DLEU7: variants seen among roughly 807,000 people sequenced by gnomAD.
DLEU7 encodes the protein deleted in lymphocytic leukemia 7.
In DLEU7, 17 loss-of-function variants were observed where a neutral mutation model predicts 16.0. That is an observed-to-expected ratio of 1.06 (90% CI 0.73 to 1.59). The LOEUF (loss-of-function observed/expected upper bound fraction) is 1.59. DLEU7 is among the 40% of genes most tolerant of loss of function. The probability of loss-of-function intolerance (pLI) is 0.00; values close to 1 mark genes in which losing one functional copy is unlikely to be tolerated. For synonymous variants in DLEU7, 113 were observed against 139.8 expected, an observed-to-expected ratio of 0.81 and a Z score of 1.35; for missense variants, 308 against 314.9, an observed-to-expected ratio of 0.98 and a Z score of 0.17.
chr13:50,730,368 CAATG>C (rs1288460431), intron 1 of DLEU7, among the ~76,000 whole-genome samples: 1 of 152,066 alleles, frequency 6.6e-6, no homozygotes, highest in East Asian at 1.9e-4. Context: ...GTATTTAAAA[CAATG>C]AGAGCAATAT....
At chr13:50,749,673 A>C (rs1292887245) in intron 1 of DLEU7, among the ~76,000 whole-genome samples, 1 of 151,796 alleles carries the variant, frequency 6.6e-6, no homozygotes, top group Admixed American at 6.6e-5. Flanking sequence ...TTTGATTTGC[A>C]TTTTCCTGAT....
At position 50,843,453 on chromosome 13, in the gene DLEU7, CG is replaced by C; in HGVS notation, c.193del (p.Arg65AlafsTer26). Reference sequence around the variant, plus strand: ...CCCCACGCCCCCGCCCCGCTCCTCGCGCCCGGGCCCCGGCCGGGCCCGCGGC... The same window carrying C: ...CCCCACGCCCCCGCCCCGCTCCTCGCCCCGGGCCCCGGCCGGGCCCGCGGC... ...GPPRARPGPG[R>X]EERGGGVGTR... is the part of the protein sequence containing the mutation. On this transcript the variant is annotated frameshift_variant, in exon 1 of 2. Coordinates refer to ENST00000504404, the MANE Select transcript of DLEU7 (RefSeq NM_001306135.2). LOFTEE classifies it high-confidence loss of function. The surrounding 1 kb of genome is among the most constrained non-coding windows in gnomAD (Gnocchi z 5.7). The C allele has an allele frequency of 1.5e-6, 2 of 1,321,204 alleles. No homozygotes were observed. Among genetic ancestry groups the C allele is most frequent in the South Asian group, 4.5e-5 (2 of 44,534 alleles). 81.8% of individuals were successfully genotyped at this position (1,321,204 alleles called of 1,614,324 possible). A position where few individuals can be genotyped will look rare whatever the true frequency, so the allele number is the denominator to read the frequency against.
At position 50,807,201 on chromosome 13, in the gene DLEU7, G is replaced by A. The variant is rs529003976; in HGVS notation, c.459+35987C>T. ...CATAAGTATTTCCTAATCATTAATAGGTTTTAATGAGCTTTAGTAGATGAG... is the reference window on the plus strand; with the variant it reads ...CATAAGTATTTCCTAATCATTAATAAGTTTTAATGAGCTTTAGTAGATGAG... On this transcript the variant is annotated intron_variant, in intron 1 of 1. Transcript: ENST00000400393. 2.0e-5 allele frequency among the ~76,000 whole-genome samples: 3 copies of A among 151,812 alleles called. No homozygotes were observed. In the South Asian group the frequency reaches 6.2e-4, roughly 32 times the overall value.
intron 1 of DLEU7, among the ~76,000 whole-genome samples, chr13:50,770,888 C>T (rs767756834): frequency 3.9e-4 from 59 of 152,090 alleles, no homozygotes; most frequent in Non-Finnish European, 1.5e-4. Context: ...GCTGTGAATC[C>T]GTCTGGTCCT....
chr13:50,713,428 G>A (rs1873350835), intron 1 of DLEU7, among the ~76,000 whole-genome samples: 2 of 152,144 alleles, frequency 1.3e-5, no homozygotes, highest in Non-Finnish European at 2.9e-5. Context: ...AATATGCATA[G>A]AAGGACCCTA....
At chr13:50,779,821 C>T (rs1196620209) in intron 1 of DLEU7, among the ~76,000 whole-genome samples, 1 of 152,148 alleles carries the variant, frequency 6.6e-6, no homozygotes, top group South Asian at 2.1e-4. Context: ...TATTGAAGGA[C>T]TTCAGAGCCT....
chr13:50,843,318 C>A lies in DLEU7; in HGVS notation c.329G>T (p.Cys110Phe). The A allele has an allele frequency of 2.0e-6, 3 of 1,516,896 alleles. No individual in the cohort carries two copies. The highest frequency in any genetic ancestry group is 1.2e-5 in the South Asian group (1 of 80,724). The allele number at this position is 1,516,896 out of a possible 1,614,324, so 94.0% of individuals were successfully genotyped here. The part of the protein sequence containing the change: ...LLPFPRDRGP[C>F]TLAQMAMRSA... ...GCGCATCGCCATCTGGGCCAGGGTG[C>A]AGGGCCCGCGGTCCCGGGGGAAGGG... The change falls in exon 1 of 2, where the codon TGC becomes TTC. Residue 110 changes from cysteine (C) to phenylalanine (F), a missense_variant. Coordinates refer to ENST00000504404, the MANE Select transcript of DLEU7 (RefSeq NM_001306135.2). This position sits in a 1 kb window ranked among gnomAD's most constrained non-coding sequence, Gnocchi z 5.7.
At chr13:50,730,691 G>A (rs1873889865) in intron 1 of DLEU7, among the ~76,000 whole-genome samples, 2 of 152,068 alleles carry the variant, frequency 1.3e-5, no homozygotes, top group African/African-American at 4.8e-5. Flanking sequence ...AGGCAGAAAA[G>A]GCATTTTACA....
chr13:50,748,616 T>C (rs2137731756), intron 1 of DLEU7, among the ~76,000 whole-genome samples: 1 of 152,168 alleles, frequency 6.6e-6, no homozygotes, highest in East Asian at 1.9e-4. Context: ...TCCCACCTTT[T>C]TTAAAGGATT....
intron 1 of DLEU7, among the ~76,000 whole-genome samples, chr13:50,797,388 A>G (rs1876133587): frequency 6.6e-6 from 1 of 152,196 alleles, no homozygotes. Flanking sequence ...TGCTAATATA[A>G]TAAGGGTTCC....
intron 1 of DLEU7, among the ~76,000 whole-genome samples, chr13:50,720,646 CT>C (rs763854631): frequency 2.6e-5 from 4 of 152,144 alleles, no homozygotes; most frequent in South Asian, 2.1e-4. Context: ...TAAACTTATC[CT>C]GTAGACATGT....
At chr13:50,753,141 A>G (rs542809751) in intron 1 of DLEU7, among the ~76,000 whole-genome samples, 1 of 152,248 alleles carries the variant, frequency 6.6e-6, no homozygotes, top group East Asian at 1.9e-4. Flanking sequence ...GTGTTTACAA[A>G]CCTTGAGCTA....
At chr13:50,819,309 G>A (rs1326914752), downstream of DLEU7, among the ~76,000 whole-genome samples, 1 of 152,146 alleles carries the variant, frequency 6.6e-6, no homozygotes, top group Non-Finnish European at 1.5e-5. Context: ...GAAGAGGTGA[G>A]TGGTAAAGAG....
In DLEU7 at chr13:50,837,756, G is replaced by T. The variant is rs551450453; in HGVS notation, c.459+5432C>A. Among the ~76,000 whole-genome samples the T allele has an allele frequency of 2.6e-5, 4 of 152,234 alleles. No individual in the cohort carries two copies. In the South Asian group the frequency reaches 8.3e-4, roughly 32 times the overall value. On this transcript the variant is annotated intron_variant, in intron 1 of 1. Transcript: ENST00000504404. The stretch of plus-strand genomic sequence containing the variant: ...TTTTTCGCCAATAGGAAAAAGATTT[G>T]ATTATTATTATTACCGTTAAAAGGC...
intron 1 of DLEU7, among the ~76,000 whole-genome samples, chr13:50,771,589 A>C (rs1267631000): frequency 6.6e-6 from 1 of 152,172 alleles, no homozygotes; most frequent in African/African-American, 2.4e-5. Context: ...TGAGTTTCTT[A>C]ATCCTGAGTT....
At chr13:50,754,427 C>A (rs139657176) in intron 1 of DLEU7, among the ~76,000 whole-genome samples, 4,998 of 152,222 alleles carry the variant, frequency 0.033, 171 homozygotes, top group African/African-American at 0.089. Flanking sequence ...TATATAATAT[C>A]CCTCTTTGTC....
At chr13:50,771,610 T>G (rs964492815) in intron 1 of DLEU7, among the ~76,000 whole-genome samples, 1 of 152,240 alleles carries the variant, frequency 6.6e-6, no homozygotes, top group Non-Finnish European at 1.5e-5. Flanking sequence ...CTAGTTTGAT[T>G]GCACTGTGGT....
upstream of DLEU7, chr13:50,843,794 G>A (rs1458798828): frequency 7.0e-6 from 8 of 1,134,854 alleles, no homozygotes; most frequent in Non-Finnish European, 9.5e-6. The surrounding 1 kb of genome is among the most constrained non-coding windows in gnomAD (Gnocchi z 5.7). Context: ...CCCCGCCCCC[G>A]GCTCTGAATC....
chr13:50,814,048 T>G (rs1404362295), intron 1 of DLEU7, among the ~76,000 whole-genome samples: 20 of 152,158 alleles, frequency 1.3e-4, no homozygotes, highest in Non-Finnish European at 2.9e-5. Context: ...TTCAACCACT[T>G]AGATGAAGAT....
Sources: allele counts gnomAD v4.1 joint callset (sites outside exome capture counted in the v4.1 genomes callset), GRCh38; gene constraint gnomAD v4.1.1; non-coding constraint Gnocchi (gnomAD v3.1); transcripts MANE v1.5; gene names NCBI Gene and HGNC (gene_info 2026-07-23, HGNC 2026-07-21).